CSMD2: variants seen among roughly 807,000 people sequenced by gnomAD.
CSMD2 encodes the protein CUB and sushi domain-containing protein 2.
CSMD2 carries 130 observed loss-of-function variants against 398.5 expected under a neutral mutation model. The ratio of observed to expected loss-of-function variants is 0.33; its 90% CI spans 0.28 to 0.38. The LOEUF is 0.38. Ranked by LOEUF, CSMD2 falls within the 10% of genes least tolerant of loss-of-function variation. The pLI is 1.00. For missense variants in CSMD2, 3,829 were observed against 4,764.9 expected (o/e 0.80, Z 5.78); for synonymous variants, 1,828 against 1,908.5 (o/e 0.96, Z 1.10).
intron 9 of CSMD2, among the ~76,000 whole-genome samples, chr1:33,817,448 T>A (rs1657598207): frequency 6.6e-6 from 1 of 152,160 alleles, no homozygotes; most frequent in Admixed American, 6.5e-5. Flanking sequence ...CTAAAAAAGA[T>A]GAAGGAACCC....
At position 33,523,379 on chromosome 1, in the gene CSMD2, C is replaced by T. The variant is rs751799901; in HGVS notation, c.10437G>A (p.Val3479=). 2 of 1,586,956 alleles carry T rather than the reference C, an allele frequency of 1.3e-6. No individual in the cohort carries two copies. The highest frequency in any genetic ancestry group is 1.7e-6 in the Non-Finnish European group (2 of 1,156,658). ...TCTCCACAGGCCCTGTAATCTGGTACACCTGGAGTAGGAGATGAAAATCTT... is the reference window on the plus strand; with the variant it reads ...TCTCCACAGGCCCTGTAATCTGGTATACCTGGAGTAGGAGATGAAAATCTT... ...KKEDFHLLLQ[V]YQITGPVEIF... Residue 3479 remains valine (V), a synonymous_variant, in exon 67 of 71, where the codon GTG becomes GTA. Coordinates refer to ENST00000373381, the MANE Select transcript of CSMD2 (RefSeq NM_001281956.2).
chr1:34,034,622 C>T (rs756482956), intron 2 of CSMD2, among the ~76,000 whole-genome samples: 2 of 152,180 alleles, frequency 1.3e-5, no homozygotes, highest in African/African-American at 4.8e-5. Flanking sequence ...TTTATCTCTT[C>T]AATGCCCAGT....
chr1:33,630,703 C>A (rs999321852), intron 32 of CSMD2, among the ~76,000 whole-genome samples: 1 of 152,050 alleles, frequency 6.6e-6, no homozygotes. Flanking sequence ...TGGTACAGGC[C>A]ACATTCTTTC....
At chr1:33,739,049 GA>G in intron 15 of CSMD2, 90 bp downstream of exon 15, 1 of 1,308,024 alleles carries the variant, frequency 7.6e-7, no homozygotes, top group Non-Finnish European at 1.0e-6. Flanking sequence ...GACCAACGCA[GA>G]AAGGAACCAC....
intron 1 of CSMD2, among the ~76,000 whole-genome samples, chr1:34,112,171 G>A (rs969551765): frequency 1.3e-5 from 2 of 152,144 alleles, no homozygotes; most frequent in African/African-American, 4.8e-5. Context: ...CAAGCTTATT[G>A]TTGCCCCTTG....
At chr1:34,084,719 G>A (rs1398379908) in intron 2 of CSMD2, among the ~76,000 whole-genome samples, 10 of 151,972 alleles carry the variant, frequency 6.6e-5, no homozygotes, top group Non-Finnish European at 8.8e-5. Context: ...TCATTAAAAA[G>A]TCAGGAAACA....
intron 2 of CSMD2, among the ~76,000 whole-genome samples, chr1:34,051,898 G>A (rs1448987026): frequency 6.6e-6 from 1 of 152,136 alleles, no homozygotes; most frequent in East Asian, 1.9e-4. Context: ...GGTTCTGGGT[G>A]AGATTAACAT....
rs115110975 is a variant in CSMD2, at chr1:33,662,990, C to T, written c.4155G>A (p.Pro1385=). Residue 1385 remains proline (P), a synonymous_variant, in exon 26 of 71, where the codon CCG becomes CCA. Coordinates refer to ENST00000373381, the MANE Select transcript of CSMD2 (RefSeq NM_001281956.2). ...SGVLLKELSG[P]ALPKDLHSTF... The stretch of plus-strand genomic sequence containing the variant: ...TGCTATGCAGGTCCTTGGGCAGGGC[C>T]GGGCCACTCAGCTCCTTCAGCAGAA... 262 of 1,614,106 alleles carry T rather than the reference C, an allele frequency of 1.6e-4. 2 individuals are homozygous for T. In the African/African-American group the frequency reaches 3.2e-3, roughly 20 times the overall value.
At chr1:34,156,564 AT>A (rs937683939) in intron 1 of CSMD2, among the ~76,000 whole-genome samples, 107 of 152,298 alleles carry the variant, frequency 7.0e-4, no homozygotes, top group African/African-American at 2.4e-3. Flanking sequence ...TCTGTTTTCT[AT>A]TTGAAAACCT....
At position 33,578,612 on chromosome 1, in the gene CSMD2, A is replaced by C. The variant is rs889653433; in HGVS notation, c.7388-1128T>G. On this transcript the variant is annotated intron_variant, in intron 48 of 70. Coordinates refer to ENST00000373381, the MANE Select transcript of CSMD2 (RefSeq NM_001281956.2). ...GCAAACAAAAAAAACAAAACAAAAA[A>C]TCCCAGCCTGAAAGGACTCACATTA... Among the ~76,000 whole-genome samples the C allele has an allele frequency of 8.5e-4, 130 of 152,064 alleles. 1 individual carries two copies. The highest frequency in any genetic ancestry group is 3.0e-3 in the African/African-American group (125 of 41,506).
Position 33,935,809 on chromosome 1 carries a change from A to T in CSMD2, c.663T>A (p.Ala221=). 6.2e-7 allele frequency: 1 copy of T among 1,613,896 alleles called. No homozygotes were observed. The highest frequency in any genetic ancestry group is 8.5e-7 in the Non-Finnish European group (1 of 1,179,844). The part of the protein sequence containing the change: ...LEGHAVLTCH[A]GSENSATWDF... ...CCCACGTGGCGCTGTTCTCAGAGCC[A>T]GCGTGGCAGGTGAGCACGGCGTGGC... Residue 221 remains alanine, a synonymous_variant, in exon 4 of 71, where the codon GCT becomes GCA. Transcript: ENST00000373381.
chr1:33,649,168 A>G (rs1476688061), intron 28 of CSMD2, among the ~76,000 whole-genome samples: 1 of 152,232 alleles, frequency 6.6e-6, no homozygotes, highest in Non-Finnish European at 1.5e-5. Context: ...TCAAGTGTGC[A>G]AAGATGAAAA....
chr1:33,602,996 C>T (rs1226376885), intron 42 of CSMD2, among the ~76,000 whole-genome samples: 5 of 152,120 alleles, frequency 3.3e-5, no homozygotes, highest in Non-Finnish European at 7.4e-5. Context: ...GTCTAGACTT[C>T]GAGTTGAGGG....
chr1:34,092,115 T>C (rs1658638708), intron 1 of CSMD2, among the ~76,000 whole-genome samples: 1 of 152,206 alleles, frequency 6.6e-6, no homozygotes, highest in Admixed American at 6.5e-5. Context: ...AGATCTTGTT[T>C]ATGGTAACTA....
intron 3 of CSMD2, among the ~76,000 whole-genome samples, chr1:33,953,860 T>C (rs1468367754): frequency 6.6e-6 from 1 of 152,296 alleles, no homozygotes; most frequent in East Asian, 1.9e-4. Context: ...TTTATCAGAC[T>C]AGCCTTCATT....
intron 4 of CSMD2, among the ~76,000 whole-genome samples, chr1:33,928,779 G>T (rs533582931): frequency 5.9e-5 from 9 of 152,328 alleles, no homozygotes; most frequent in Admixed American, 3.9e-4. Context: ...AGGCCCCAGT[G>T]CTCAGAATCA....
Position 33,580,777 on chromosome 1 carries a change from T to G in CSMD2, c.7363A>C (p.Lys2455Gln), listed in dbSNP as rs771321423. Residue 2455 changes from lysine (K) to glutamine (Q), a missense_variant, in exon 48 of 71, where the codon AAG (lysine) becomes CAG (glutamine). Physicochemically the swap from Lys to Gln is moderately conservative, Grantham distance 53 (BLOSUM62 1). Around this residue, in one of 5 missense-constraint regions of CSMD2, gnomAD observed 723 missense variants for 758.6 expected, o/e 0.95. Coordinates refer to ENST00000373381, the MANE Select transcript of CSMD2 (RefSeq NM_001281956.2). ...CCTGAATAGCGGATCTTGAAGCCCT[T>G]CCGATTGTAGGCGTGATCAGATGAC... ...RWSSDHAYNR[K>Q]GFKIRYSAPY... 1 of 1,614,160 alleles carries G rather than the reference T, an allele frequency of 6.2e-7. No homozygotes were observed. The highest frequency in any genetic ancestry group is 1.3e-5 in the African/African-American group (1 of 75,044).
At chr1:33,929,780 T>C (rs369127600) in intron 4 of CSMD2, among the ~76,000 whole-genome samples, 5 of 151,442 alleles carry the variant, frequency 3.3e-5, no homozygotes, top group African/African-American at 1.2e-4. Flanking sequence ...TTTCTGTTCC[T>C]CTAGCGTGTC....
intron 25 of CSMD2, among the ~76,000 whole-genome samples, chr1:33,679,479 C>T (rs753748315): frequency 6.2e-4 from 94 of 152,130 alleles, no homozygotes; most frequent in Non-Finnish European, 9.6e-4. Flanking sequence ...GGATTACAGG[C>T]GTGAGCCACT....
Sources: gnomAD v4.1 joint callset for allele counts (sites outside exome capture counted in the v4.1 genomes callset) on GRCh38, gnomAD v4.1.1 for gene constraint, gnomAD v4.1.1 regional missense constraint, MANE v1.5 for transcripts, NCBI Gene and HGNC (gene_info 2026-07-23, HGNC 2026-07-21) for gene names.